Variants in GYS2 observed in about 807,000 individuals in gnomAD.
The protein encoded by GYS2 is glycogen synthase 2, also known as glycogen [starch] synthase, liver.
A neutral mutation model predicts 85.6 loss-of-function variants in GYS2; 80 were observed. The observed-to-expected ratio is 0.93, with a 90% CI of 0.78 to 1.13. GYS2 has a LOEUF of 1.13. Ranked by LOEUF, GYS2 falls within the 50% of genes most tolerant of loss-of-function variation. The pLI is 0.00. For missense variants in GYS2, 881 were observed against 854.9 expected (o/e 1.03, Z -0.38); for synonymous variants, 328 against 300.7 (o/e 1.09, Z -0.94).
intron 4 of GYS2, among the ~76,000 whole-genome samples, chr12:21,571,523 A>T (rs1438108582): frequency 1.3e-5 from 2 of 152,222 alleles, no homozygotes; most frequent in African/African-American, 2.4e-5. Flanking sequence ...CATGTGGATA[A>T]CCCTGTAATT....
At chr12:21,596,502 A>T (rs535273977) in intron 1 of GYS2, among the ~76,000 whole-genome samples, 1 of 152,306 alleles carries the variant, frequency 6.6e-6, no homozygotes, top group Non-Finnish European at 1.5e-5. Context: ...CAAAAATTAC[A>T]TGATCATCTC....
intron 1 of GYS2, among the ~76,000 whole-genome samples, chr12:21,593,844 A>G (rs1341896129): frequency 6.6e-6 from 1 of 152,174 alleles, no homozygotes; most frequent in African/African-American, 2.4e-5. Flanking sequence ...CTGATGGAAC[A>G]TAGGTGTGAA....
intron 1 of GYS2, among the ~76,000 whole-genome samples, chr12:21,589,879 A>G (rs1322872228): frequency 2.0e-5 from 3 of 152,014 alleles, no homozygotes; most frequent in Non-Finnish European, 4.4e-5. Context: ...CCCAACACCC[A>G]CCAGATGACA....
chr12:21,542,456 T>C lies in GYS2; in HGVS notation c.1645+40A>G, dbSNP rs763233250. 4.8e-6 allele frequency: 6 copies of C among 1,241,390 alleles called. No individual in the cohort carries two copies. In the African/African-American group the frequency reaches 8.8e-5, roughly 18 times the overall value. The allele number at this position is 1,241,390 out of a possible 1,614,324, so 76.9% of individuals were successfully genotyped here. On this transcript the variant is annotated intron_variant, in intron 13 of 15. Transcript: ENST00000261195. ...ACCCTGTGCTTTGTTTGGTTAGAGG[T>C]CATGTCTCCCCAGCATGGGTTAATG...
chr12:21,597,396 A>G (rs1487708328), intron 1 of GYS2, among the ~76,000 whole-genome samples: 1 of 152,082 alleles, frequency 6.6e-6, no homozygotes, highest in East Asian at 1.9e-4. Flanking sequence ...GGCAAAGGAT[A>G]TTTTTCAAAA....
rs1336391689 is a variant in GYS2, at chr12:21,574,329, A to G, written c.496-3T>C. The stretch of plus-strand genomic sequence containing the variant: ...TTACCATCTGCATGATCTGTCACCT[A>G]CATTAGGAAAAAAAAAGCATTCAGA... On this transcript the variant is annotated splice_polypyrimidine_tract_variant and splice_region_variant and intron_variant, in intron 3 of 15. Coordinates refer to ENST00000261195, the MANE Select transcript of GYS2 (RefSeq NM_021957.4). 5.0e-6 allele frequency: 8 copies of G among 1,610,954 alleles called. No homozygotes were observed. The highest frequency in any genetic ancestry group is 1.3e-5 in the African/African-American group (1 of 74,838).
intron 2 of GYS2, among the ~76,000 whole-genome samples, chr12:21,579,284 C>A (rs1281860520): frequency 1.3e-5 from 2 of 151,670 alleles, no homozygotes; most frequent in African/African-American, 4.8e-5. Flanking sequence ...AGACTAAAAT[C>A]AGTGTGTTGA....
At chr12:21,545,909 C>T (rs1347667467) in intron 12 of GYS2, among the ~76,000 whole-genome samples, 1 of 152,054 alleles carries the variant, frequency 6.6e-6, no homozygotes, top group Non-Finnish European at 1.5e-5. Context: ...TAAATATGTT[C>T]ATTAAATTTT....
rs576246582 is a variant in GYS2 at position 21,593,618 on chromosome 12, G to A, written c.121+10854C>T. On this transcript the variant is annotated intron_variant, in intron 1 of 15. Coordinates refer to ENST00000261195, the MANE Select transcript of GYS2 (RefSeq NM_021957.4). ...AGTAATGAATAATGAAATTGAATCA[G>A]TAGTAAAAAGTCTCCCAAAAAAGAA... Among the ~76,000 whole-genome samples, 8 of 152,072 alleles carry A rather than the reference G, an allele frequency of 5.3e-5. No individual in the cohort carries two copies. In the South Asian group the frequency reaches 1.7e-3, roughly 32 times the overall value.
In GYS2 at chr12:21,555,222, G is replaced by A. The variant is rs74069444; in HGVS notation, c.1422+2978C>T. 8.6e-3 allele frequency among the ~76,000 whole-genome samples: 1,306 copies of A among 151,960 alleles called. 34 individuals carry two copies. The highest frequency in any genetic ancestry group is 0.03 in the African/African-American group (1,242 of 41,436). ...TTAGGTTAAACTATATGAGAATGAGGCCTAGTTAGTACTGACATACTCTGC... is the reference window on the plus strand; with the variant it reads ...TTAGGTTAAACTATATGAGAATGAGACCTAGTTAGTACTGACATACTCTGC... On this transcript the variant is annotated intron_variant, in intron 11 of 15. Coordinates refer to ENST00000261195, the MANE Select transcript of GYS2 (RefSeq NM_021957.4).
intron 1 of GYS2, among the ~76,000 whole-genome samples, chr12:21,590,427 A>T (rs922816142): frequency 6.6e-6 from 1 of 152,102 alleles, no homozygotes; most frequent in Admixed American, 6.5e-5. Flanking sequence ...GGGCCTACCC[A>T]ATCTGCCACT....
chr12:21,595,052 A>G (rs1944679822), intron 1 of GYS2, among the ~76,000 whole-genome samples: 1 of 152,216 alleles, frequency 6.6e-6, no homozygotes, highest in South Asian at 2.1e-4. Context: ...TTGGATATCC[A>G]TGTGCAAAAG....
chr12:21,557,714 A>G (rs1460673856), intron 11 of GYS2, among the ~76,000 whole-genome samples: 1 of 152,150 alleles, frequency 6.6e-6, no homozygotes, highest in African/African-American at 2.4e-5. Flanking sequence ...CCTGGCTTAC[A>G]TGGTGAAACC....
At position 21,599,060 on chromosome 12, in the gene GYS2, C is replaced by CCT. The variant is rs1420365132; in HGVS notation, c.121+5410_121+5411dup. 3.4e-4 allele frequency among the ~76,000 whole-genome samples: 15 copies of CCT among 43,888 alleles called. No individual in the cohort carries two copies. The South Asian group carries it at 0.015, about 45-fold the overall frequency. The allele number at this position is 43,888 out of a possible 152,430, so 28.8% of individuals were successfully genotyped here. ...GCCAAAATAAGGATCTCTTTCTCTGCCTCTCTCTCGCTCTCTCTCTCTCTC... is the reference window on the plus strand; with the variant it reads ...GCCAAAATAAGGATCTCTTTCTCTGCCTCTCTCTCTCGCTCTCTCTCTCTCTC... On this transcript the variant is annotated intron_variant, in intron 1 of 15. Coordinates refer to ENST00000261195, the MANE Select transcript of GYS2 (RefSeq NM_021957.4).
chr12:21,596,168 C>T (rs1254347020), intron 1 of GYS2, among the ~76,000 whole-genome samples: 7 of 151,980 alleles, frequency 4.6e-5, no homozygotes. Flanking sequence ...CAGAATTCTA[C>T]TAGACATTCA....
intron 5 of GYS2, among the ~76,000 whole-genome samples, chr12:21,567,499 T>C (rs368637226): frequency 1.3e-5 from 2 of 151,492 alleles, no homozygotes; most frequent in African/African-American, 4.8e-5. Context: ...ATGCTGCCAC[T>C]ATTCAAATTA....
chr12:21,537,462 G>T, intron 15 of GYS2: 1 of 405,042 alleles, frequency 2.5e-6, no homozygotes, highest in Non-Finnish European at 4.6e-6. Flanking sequence ...TTTCAGTACA[G>T]AAGAAAATGG....
intron 2 of GYS2, among the ~76,000 whole-genome samples, chr12:21,579,673 T>C (rs1159855701): frequency 1.3e-5 from 2 of 152,152 alleles, no homozygotes; most frequent in Non-Finnish European, 2.9e-5. Flanking sequence ...TTTTTCTTAC[T>C]TCTATAGGCC....
At chr12:21,561,611 TATAA>T (rs1379599511) in intron 7 of GYS2, among the ~76,000 whole-genome samples, 3 of 152,172 alleles carry the variant, frequency 2.0e-5, no homozygotes, top group Admixed American at 6.5e-5. Flanking sequence ...TCTTCATATC[TATAA>T]ATAAAGTGAA....
Sources: gnomAD v4.1 joint callset for allele counts (sites outside exome capture counted in the v4.1 genomes callset) on GRCh38, gnomAD v4.1.1 for gene constraint, MANE v1.5 for transcripts, NCBI Gene and HGNC (gene_info 2026-07-23, HGNC 2026-07-21) for gene names.